Variants in RERE observed in about 807,000 individuals in gnomAD.
RERE encodes arginine-glutamic acid dipeptide repeats protein.
In RERE, 40 loss-of-function variants were observed where a neutral mutation model predicts 146.1. The observed-to-expected ratio is 0.27, with a 90% CI of 0.21 to 0.36. The LOEUF (loss-of-function observed/expected upper bound fraction) is 0.36, where lower values mean the gene tolerates loss of function less well. RERE is among the 10% of genes least tolerant of loss of function. The probability of loss-of-function intolerance (pLI) is 1.00; values close to 1 mark genes in which losing one functional copy is unlikely to be tolerated. For missense variants in RERE, 1,933 were observed against 2,138.7 expected, an observed-to-expected ratio of 0.90 and a Z score of 1.90; for synonymous variants, 1,003 against 866.0, an observed-to-expected ratio of 1.16 and a Z score of -2.78.
intron 4 of RERE, among the ~76,000 whole-genome samples, chr1:8,570,732 T>C (rs1646212198): frequency 1.3e-5 from 2 of 152,348 alleles, no homozygotes; most frequent in East Asian, 1.9e-4. Context: ...GTCTCTGAGA[T>C]GAAGTCGACA....
intron 1 of RERE, among the ~76,000 whole-genome samples, chr1:8,712,992 A>T (rs1639698224): frequency 6.6e-6 from 1 of 152,190 alleles, no homozygotes; most frequent in Non-Finnish European, 1.5e-5. Context: ...GCCAAGGATT[A>T]ATGTCCCTAG....
intron 6 of RERE, among the ~76,000 whole-genome samples, chr1:8,545,685 CTTTT>C (rs1165619190): frequency 4.4e-5 from 6 of 135,410 alleles, no homozygotes; most frequent in Admixed American, 7.6e-5. Context: ...ATAAAAAATT[CTTTT>C]TTTTTTTTTT....
chr1:8,436,330 T>C (rs1216170712), intron 11 of RERE, among the ~76,000 whole-genome samples: 1 of 151,804 alleles, frequency 6.6e-6, no homozygotes, highest in Admixed American at 6.6e-5. Context: ...AATAAATAAA[T>C]AAAAAATAAA....
chr1:8,731,104 C>A (rs1640070275), intron 1 of RERE, among the ~76,000 whole-genome samples: 1 of 152,184 alleles, frequency 6.6e-6, no homozygotes, highest in South Asian at 2.1e-4. Context: ...GCAAAAGCTA[C>A]ATGAACCAGT....
chr1:8,359,792 T>TCCCG lies in RERE; in HGVS notation c.3589_3590insCGGG (p.Glu1197AlafsTer12). ...CGCCCGCTCTGCCTCGCGCTCCCGCTCTCGCTCCCGCTCCCGCTCCTTCTC... is the reference window on the plus strand; with the variant it reads ...CGCCCGCTCTGCCTCGCGCTCCCGCTCCCGCTCGCTCCCGCTCCCGCTCCTTCTC... On this transcript the variant is annotated frameshift_variant, in exon 19 of 23. Transcript: ENST00000400908. LOFTEE classifies it high-confidence loss of function. 1 of 1,602,222 alleles carries TCCCG rather than the reference T, an allele frequency of 6.2e-7. No individual in the cohort carries two copies. Among genetic ancestry groups the TCCCG allele is most frequent in the Non-Finnish European group, 8.5e-7 (1 of 1,178,868 alleles).
At chr1:8,455,492 C>T (rs913133580) in intron 11 of RERE, among the ~76,000 whole-genome samples, 7 of 152,206 alleles carry the variant, frequency 4.6e-5, no homozygotes, top group South Asian at 2.1e-4. Flanking sequence ...TGGCAATGAA[C>T]GAGTTTTTTT....
At chr1:8,551,363 G>GGA (rs1355333489) in intron 6 of RERE, among the ~76,000 whole-genome samples, 2 of 152,134 alleles carry the variant, frequency 1.3e-5, no homozygotes, top group Non-Finnish European at 2.9e-5. Context: ...TATCCTTAGG[G>GGA]GAGAAAAAGT....
At chr1:8,649,117 A>G (rs1283633001) in intron 2 of RERE, among the ~76,000 whole-genome samples, 1 of 152,172 alleles carries the variant, frequency 6.6e-6, no homozygotes, top group African/African-American at 2.4e-5. Context: ...CCAGAAATCA[A>G]TATCCTATGC....
intron 11 of RERE, among the ~76,000 whole-genome samples, chr1:8,450,445 TCCTTCCTTCCCAGC>T (rs1644377461): frequency 1.3e-5 from 2 of 151,170 alleles, no homozygotes; most frequent in South Asian, 2.1e-4. Flanking sequence ...AGCACACGCT[TCCTTCCTTCCCAGC>T]CCTTCCTGTA....
intron 4 of RERE, among the ~76,000 whole-genome samples, chr1:8,563,459 T>C (rs1646102132): frequency 6.6e-6 from 1 of 152,148 alleles, no homozygotes; most frequent in Non-Finnish European, 1.5e-5. Context: ...CACCAGCTGA[T>C]GATACCTGCC....
At chr1:8,581,133 A>G (rs940174468) in intron 4 of RERE, among the ~76,000 whole-genome samples, 3 of 152,226 alleles carry the variant, frequency 2.0e-5, no homozygotes, top group African/African-American at 7.2e-5. Context: ...TGCATTCCTG[A>G]CAACCTTGCT....
chr1:8,648,736 C>T (rs1402279057), intron 2 of RERE, among the ~76,000 whole-genome samples: 1 of 151,936 alleles, frequency 6.6e-6, no homozygotes, highest in Admixed American at 6.6e-5. Context: ...ATAAAATGGT[C>T]AAATATTTTG....
At chr1:8,531,107 G>GTCCATCCATCCA (rs200605582) in intron 7 of RERE, among the ~76,000 whole-genome samples, 5 of 150,528 alleles carry the variant, frequency 3.3e-5, no homozygotes, top group East Asian at 1.9e-4. Context: ...CTATCTATCT[G>GTCCATCCATCCA]TCCATCCATC....
chr1:8,677,451 A>G (rs1638868045), intron 1 of RERE, among the ~76,000 whole-genome samples: 2 of 150,910 alleles, frequency 1.3e-5, no homozygotes, highest in South Asian at 4.2e-4. Context: ...GAAAGAAAGA[A>G]AAGAAAAAAA....
intron 10 of RERE, among the ~76,000 whole-genome samples, chr1:8,485,999 C>A (rs1644893881): frequency 6.6e-6 from 1 of 152,158 alleles, no homozygotes; most frequent in East Asian, 1.9e-4. Flanking sequence ...GGGGTTTCAC[C>A]ACATTGGCCA....
rs67724601 is a variant in RERE, at chr1:8,575,534, AATAT to A, written c.523-18015_523-18012del. The stretch of plus-strand genomic sequence containing the variant: ...CTGTGCCACCACACCTGGCTAATTT[AATAT>A]ATATATATATATATATATATATATT... On this transcript the variant is annotated intron_variant, in intron 4 of 22. Coordinates refer to ENST00000400908, the MANE Select transcript of RERE (RefSeq NM_001042681.2). 2.7e-3 allele frequency among the ~76,000 whole-genome samples: 313 copies of A among 114,030 alleles called. 4 individuals are homozygous for A. Among genetic ancestry groups the A allele is most frequent in the African/African-American group, 6.4e-3 (186 of 29,024 alleles). 74.8% of individuals were successfully genotyped at this position (114,030 alleles called of 152,430 possible). A position where few individuals can be genotyped will look rare whatever the true frequency, so the allele number is the denominator to read the frequency against.
At chr1:8,737,217 T>A (rs1640218805) in intron 1 of RERE, among the ~76,000 whole-genome samples, 1 of 152,136 alleles carries the variant, frequency 6.6e-6, no homozygotes, top group African/African-American at 2.4e-5. Context: ...CACAGACTTA[T>A]CTTAGGGCAG....
At chr1:8,442,941 G>A (rs1644268995) in intron 11 of RERE, among the ~76,000 whole-genome samples, 2 of 152,236 alleles carry the variant, frequency 1.3e-5, no homozygotes, top group Non-Finnish European at 2.9e-5. Flanking sequence ...GCTGTGTTGT[G>A]TTTCTGCCCT....
intron 1 of RERE, among the ~76,000 whole-genome samples, chr1:8,758,469 G>GT (rs1640690618): frequency 6.7e-6 from 1 of 149,410 alleles, no homozygotes. Context: ...ATAACTCACT[G>GT]TAACCTCAAA....
Sources: gnomAD v4.1 joint callset for allele counts (sites outside exome capture counted in the v4.1 genomes callset) on GRCh38, gnomAD v4.1.1 for gene constraint, MANE v1.5 for transcripts, NCBI Gene and HGNC (gene_info 2026-07-23, HGNC 2026-07-21) for gene names.